KIAA1328: variants seen among roughly 807,000 people sequenced by gnomAD.
KIAA1328 encodes KIAA1328, also known as protein hinderin.
In KIAA1328, 52 loss-of-function variants were observed where a neutral mutation model predicts 68.1. That is an observed-to-expected ratio of 0.76 (90% CI 0.61 to 0.96). The LOEUF (loss-of-function observed/expected upper bound fraction) is 0.96, where lower values mean the gene tolerates loss of function less well. KIAA1328 is among the 40% of genes least tolerant of loss of function. The pLI is 0.00. For missense variants in KIAA1328, 641 were observed against 677.6 expected (o/e 0.95, Z 0.60); for synonymous variants, 232 against 239.4 (o/e 0.97, Z 0.28).
intron 9 of KIAA1328, among the ~76,000 whole-genome samples, chr18:37,174,386 T>A (rs1174091064): frequency 7.2e-6 from 1 of 139,586 alleles, no homozygotes; most frequent in Non-Finnish European, 1.6e-5. Context: ...CTTCCTTTTT[T>A]TTTTTTTTTT....
At chr18:37,003,365 G>A (rs947100696) in intron 6 of KIAA1328, among the ~76,000 whole-genome samples, 8 of 152,096 alleles carry the variant, frequency 5.3e-5, no homozygotes, top group Admixed American at 1.3e-4. Flanking sequence ...AAACCTGCAC[G>A]GCACTAAAGA....
At chr18:36,953,649 C>G (rs1192637141) in intron 5 of KIAA1328, among the ~76,000 whole-genome samples, 1 of 151,954 alleles carries the variant, frequency 6.6e-6, no homozygotes. Context: ...AATGAAGTGG[C>G]AAGTGTCACT....
intron 6 of KIAA1328, among the ~76,000 whole-genome samples, chr18:37,048,697 A>G (rs2055573791): frequency 6.6e-6 from 1 of 152,176 alleles, no homozygotes; most frequent in East Asian, 1.9e-4. Context: ...CCCTATTTTT[A>G]TGGCCTCTGT....
intron 5 of KIAA1328, among the ~76,000 whole-genome samples, chr18:36,932,291 C>A (rs2050339287): frequency 6.6e-6 from 1 of 152,174 alleles, no homozygotes; most frequent in Non-Finnish European, 1.5e-5. Flanking sequence ...GGCATGATCA[C>A]AGCTCATTGC....
chr18:36,896,669 T>TATACTATAC (rs1214267637), intron 5 of KIAA1328, among the ~76,000 whole-genome samples: 1 of 152,206 alleles, frequency 6.6e-6, no homozygotes, highest in Non-Finnish European at 1.5e-5. Context: ...ACTAAACCTG[T>TATACTATAC]ATAGCATCAT....
At chr18:37,171,770 A>G (rs1468431659) in intron 8 of KIAA1328, among the ~76,000 whole-genome samples, 1 of 152,208 alleles carries the variant, frequency 6.6e-6, no homozygotes, top group Non-Finnish European at 1.5e-5. Context: ...TTAGCCTGGC[A>G]TAGTGGCACA....
chr18:36,891,073 AT>A (rs959124998), intron 5 of KIAA1328, among the ~76,000 whole-genome samples: 65 of 152,308 alleles, frequency 4.3e-4, no homozygotes, highest in African/African-American at 1.6e-3. Flanking sequence ...TAAGAATATA[AT>A]TGAGATAGCA....
At chr18:37,019,617 G>T (rs2054271276) in intron 6 of KIAA1328, among the ~76,000 whole-genome samples, 2 of 152,222 alleles carry the variant, frequency 1.3e-5, no homozygotes, top group Admixed American at 6.5e-5. Flanking sequence ...CTCTGCATGG[G>T]GATGGGCAGC....
intron 7 of KIAA1328, among the ~76,000 whole-genome samples, chr18:37,127,437 A>C (rs2058419568): frequency 6.6e-6 from 1 of 152,182 alleles, no homozygotes; most frequent in Non-Finnish European, 1.5e-5. Context: ...GGCCAGGTGC[A>C]GTGGTTGACA....
chr18:37,118,212 C>T (rs2058174411), intron 7 of KIAA1328, among the ~76,000 whole-genome samples: 1 of 152,042 alleles, frequency 6.6e-6, no homozygotes, highest in African/African-American at 2.4e-5. Context: ...CTAGGATGGT[C>T]TTGAACTCCT....
intron 6 of KIAA1328, among the ~76,000 whole-genome samples, chr18:37,008,912 C>A (rs1203928457): frequency 6.6e-6 from 1 of 152,056 alleles, no homozygotes; most frequent in Non-Finnish European, 1.5e-5. Context: ...CCTTAAGGAC[C>A]TTTGGTATAA....
intron 5 of KIAA1328, among the ~76,000 whole-genome samples, chr18:36,920,336 C>T (rs1486771234): frequency 6.6e-6 from 1 of 152,154 alleles, no homozygotes; most frequent in Non-Finnish European, 1.5e-5. Flanking sequence ...TTATTGTCAA[C>T]ATTGTGGAAG....
At chr18:36,956,318 G>A (rs781261790) in intron 5 of KIAA1328, among the ~76,000 whole-genome samples, 3 of 152,204 alleles carry the variant, frequency 2.0e-5, no homozygotes, top group African/African-American at 2.4e-5. Context: ...GCAGACTACA[G>A]TGTCTAAATT....
intron 5 of KIAA1328, among the ~76,000 whole-genome samples, chr18:36,940,284 T>A (rs1463697155): frequency 6.6e-6 from 1 of 152,204 alleles, no homozygotes; most frequent in Non-Finnish European, 1.5e-5. Flanking sequence ...AAATGCAGAA[T>A]CGAATCCACA....
chr18:37,161,575 A>G (rs1172366743), intron 8 of KIAA1328, among the ~76,000 whole-genome samples: 1 of 152,214 alleles, frequency 6.6e-6, no homozygotes, highest in African/African-American at 2.4e-5. Context: ...TAAAAATTAA[A>G]TTGAAGAAAC....
chr18:36,950,141 A>T (rs1031816932), intron 5 of KIAA1328, among the ~76,000 whole-genome samples: 4 of 152,204 alleles, frequency 2.6e-5, no homozygotes, highest in Non-Finnish European at 4.4e-5. Context: ...TTTTTATATC[A>T]GAAAATGTGT....
intron 6 of KIAA1328, among the ~76,000 whole-genome samples, chr18:37,028,385 G>A (rs904858670): frequency 6.6e-6 from 1 of 152,108 alleles, no homozygotes; most frequent in Non-Finnish European, 1.5e-5. Context: ...TATTGAATTT[G>A]TATCCTGAAA....
chr18:37,150,824 A>T (rs1465651678), intron 7 of KIAA1328, among the ~76,000 whole-genome samples: 1 of 152,178 alleles, frequency 6.6e-6, no homozygotes, highest in Non-Finnish European at 1.5e-5. Context: ...TAGGAAGAAA[A>T]AAAAGACCTC....
rs569474341 is a variant in KIAA1328 at position 36,858,879 on chromosome 18, T to C, written c.332+14577T>C. ...AATGCATGTTTGCTCTTAATACTTT[T>C]ATGGTTGCCTTTTCTTACACTTAAA... On this transcript the variant is annotated intron_variant, in intron 4 of 9. Transcript: ENST00000280020. Among the ~76,000 whole-genome samples, 8 of 152,342 alleles carry C rather than the reference T, an allele frequency of 5.3e-5. No individual in the cohort carries two copies. In the East Asian group the frequency reaches 5.8e-4, roughly 11 times the overall value.
Sources: allele counts gnomAD v4.1 joint callset (sites outside exome capture counted in the v4.1 genomes callset), GRCh38; gene constraint gnomAD v4.1.1; transcripts MANE v1.5; gene names NCBI Gene and HGNC (gene_info 2026-07-23, HGNC 2026-07-21).